NELL1: variants seen among roughly 807,000 people sequenced by gnomAD.
NELL1 encodes the protein neural EGFL like 1, also known as protein kinase C-binding protein NELL1.
A neutral mutation model predicts 107.4 loss-of-function variants in NELL1; 76 were observed. That is an observed-to-expected ratio of 0.71 (90% confidence interval 0.59 to 0.86). NELL1 has a LOEUF of 0.86. Among genes scored for constraint, NELL1 ranks in the 40% least tolerant of loss-of-function variants. The pLI is 0.00. For missense variants in NELL1, 1,024 were observed against 1,005.5 expected, an observed-to-expected ratio of 1.02 and a Z score of -0.25; for synonymous variants, 353 against 341.2, an observed-to-expected ratio of 1.03 and a Z score of -0.38.
chr11:21,249,551 T>A (rs934115677), intron 14 of NELL1, among the ~76,000 whole-genome samples: 1 of 151,864 alleles, frequency 6.6e-6, no homozygotes, highest in Non-Finnish European at 1.5e-5. Context: ...AAACTGAGTT[T>A]AAAAAAAATA....
At chr11:21,008,276 G>C (rs1852372472) in intron 12 of NELL1, among the ~76,000 whole-genome samples, 1 of 152,090 alleles carries the variant, frequency 6.6e-6, no homozygotes, top group African/African-American at 2.4e-5. Context: ...CTTAAGTGTA[G>C]CTGAATACAA....
At position 21,350,366 on chromosome 11, in the gene NELL1, T is replaced by TAA. The variant is rs398015516; in HGVS notation, c.1550-20476_1550-20475dup. On this transcript the variant is annotated intron_variant, in intron 14 of 19. Coordinates refer to ENST00000357134, the MANE Select transcript of NELL1 (RefSeq NM_006157.5). Reference sequence around the variant, plus strand: ...ATTTAACTACTGAGCAAGATCTTTTTAAAAAAAAAAAACTTTAATAACCAC... The same window carrying TAA: ...ATTTAACTACTGAGCAAGATCTTTTTAAAAAAAAAAAAAACTTTAATAACCAC... Among the ~76,000 whole-genome samples the TAA allele has an allele frequency of 2.1e-3, 301 of 145,888 alleles. 3 individuals are homozygous for TAA. Among genetic ancestry groups the TAA allele is most frequent in the Non-Finnish European group, 2.7e-3 (176 of 65,954 alleles).
At chr11:20,839,834 GAA>G (rs1264893854) in intron 3 of NELL1, among the ~76,000 whole-genome samples, 1 of 152,196 alleles carries the variant, frequency 6.6e-6, no homozygotes, top group African/African-American at 2.4e-5. Context: ...GAGAGTACCA[GAA>G]GTTTGTCTGG....
chr11:21,477,881 A>G (rs1854386340), intron 15 of NELL1, among the ~76,000 whole-genome samples: 1 of 144,592 alleles, frequency 6.9e-6, no homozygotes. Flanking sequence ...TAAATAAATT[A>G]TAATAAATAA....
chr11:21,040,929 G>C (rs192146061), intron 12 of NELL1, among the ~76,000 whole-genome samples: 1 of 152,254 alleles, frequency 6.6e-6, no homozygotes, highest in Admixed American at 6.5e-5. Flanking sequence ...GATTGTCAAG[G>C]TCAGTAATCA....
chr11:20,732,097 C>CT (rs773591939), intron 2 of NELL1, among the ~76,000 whole-genome samples: 24 of 151,872 alleles, frequency 1.6e-4, no homozygotes, highest in East Asian at 9.7e-4. Context: ...GTTTTGGAGT[C>CT]TTTTTTTTCT....
In NELL1 at chr11:21,575,653, A is replaced by C. The variant is rs1368742980; in HGVS notation, c.*631A>C. 1 of 152,010 alleles carries C rather than the reference A, an allele frequency of 6.6e-6. No homozygotes were observed. Among genetic ancestry groups the C allele is most frequent in the South Asian group, 2.1e-4 (1 of 4,828 alleles). The allele number at this position is 152,010 out of a possible 1,614,324, so 9.4% of individuals were successfully genotyped here. A position where few individuals can be genotyped will look rare whatever the true frequency, so the allele number is the denominator to read the frequency against. The stretch of plus-strand genomic sequence containing the variant: ...GGGCCAAAAACATAATCAAAGAATA[A>C]TTTTAAAGAGAATTCTTGTCTCTCT... On this transcript the variant is annotated 3_prime_UTR_variant, in exon 20 of 20. Coordinates refer to ENST00000357134, the MANE Select transcript of NELL1 (RefSeq NM_006157.5).
At chr11:21,342,584 G>A (rs1300299016) in intron 14 of NELL1, among the ~76,000 whole-genome samples, 1 of 150,822 alleles carries the variant, frequency 6.6e-6, no homozygotes, top group East Asian at 2.0e-4. Context: ...GTCGAGGCTG[G>A]AGTGAGCCAT....
chr11:21,170,176 G>A (rs916789664), intron 13 of NELL1: 3 of 608,052 alleles, frequency 4.9e-6, no homozygotes, highest in Non-Finnish European at 8.9e-6. Context: ...ATCTAAGCAG[G>A]TGAATTAGAA....
intron 12 of NELL1, among the ~76,000 whole-genome samples, chr11:21,074,154 G>A (rs1013006084): frequency 2.4e-4 from 36 of 152,132 alleles, no homozygotes; most frequent in African/African-American, 8.2e-4. Context: ...TGTGGTTCTG[G>A]GACCAGTAAC....
intron 15 of NELL1, among the ~76,000 whole-genome samples, chr11:21,402,087 T>A (rs906734218): frequency 6.6e-5 from 10 of 151,814 alleles, no homozygotes; most frequent in African/African-American, 2.4e-4. Context: ...AAGGAACAGA[T>A]GCACACTTAG....
At chr11:20,691,999 T>C (rs1413485173) in intron 2 of NELL1, among the ~76,000 whole-genome samples, 1 of 152,112 alleles carries the variant, frequency 6.6e-6, no homozygotes, top group Admixed American at 6.5e-5. Context: ...AACTTCTTCC[T>C]GGTTTAGTCT....
At chr11:21,227,433 G>A (rs937991074) in intron 13 of NELL1, among the ~76,000 whole-genome samples, 2 of 152,038 alleles carry the variant, frequency 1.3e-5, no homozygotes, top group African/African-American at 4.8e-5. Flanking sequence ...CTATTAAAAC[G>A]TTCAGGCTAG....
chr11:20,844,028 G>A (rs971518446), intron 3 of NELL1, among the ~76,000 whole-genome samples: 2 of 152,200 alleles, frequency 1.3e-5, no homozygotes, highest in Non-Finnish European at 2.9e-5. Context: ...TGTGTTCAAG[G>A]TCTTGGGGTG....
intron 2 of NELL1, among the ~76,000 whole-genome samples, chr11:20,703,597 G>A (rs1854856626): frequency 6.6e-6 from 1 of 152,120 alleles, no homozygotes; most frequent in Non-Finnish European, 1.5e-5. Flanking sequence ...TGTGATGTTA[G>A]GGTGTCAATT....
At chr11:20,905,331 A>G (rs891081234) in intron 5 of NELL1, among the ~76,000 whole-genome samples, 2 of 152,192 alleles carry the variant, frequency 1.3e-5, no homozygotes, top group African/African-American at 4.8e-5. Flanking sequence ...TCCAGTGTTA[A>G]TACATTATAA....
chr11:20,690,358 A>G (rs1202524729), intron 2 of NELL1, among the ~76,000 whole-genome samples: 1 of 152,232 alleles, frequency 6.6e-6, no homozygotes, highest in African/African-American at 2.4e-5. Flanking sequence ...GTCCTTGCCC[A>G]TGCCTATGTC....
At chr11:21,113,829 C>G (rs541308237) in intron 13 of NELL1, 115 bp downstream of exon 13, 2 of 1,035,324 alleles carry the variant, frequency 1.9e-6, no homozygotes, top group South Asian at 4.1e-5. Flanking sequence ...AATAGTTCTT[C>G]TCTTTATTAC....
Position 20,863,429 on chromosome 11 carries a change from G to C in NELL1, c.506+15676G>C, listed in dbSNP as rs1056689756. Among the ~76,000 whole-genome samples, 3 of 118,450 alleles carry C rather than the reference G, an allele frequency of 2.5e-5. 1 individual carries two copies. Among genetic ancestry groups the C allele is most frequent in the Non-Finnish European group, 5.9e-5 (3 of 50,508 alleles). The allele number at this position is 118,450 out of a possible 152,430, so 77.7% of individuals were successfully genotyped here. ...CGGAGACGCTCCTCACTTCCCAGAAGGGGTGGCTGCTGGGCGGAGGGGCTC... is the reference window on the plus strand; with the variant it reads ...CGGAGACGCTCCTCACTTCCCAGAACGGGTGGCTGCTGGGCGGAGGGGCTC... On this transcript the variant is annotated intron_variant, in intron 4 of 19. Transcript: ENST00000357134.
Sources: gnomAD v4.1 joint callset for allele counts (sites outside exome capture counted in the v4.1 genomes callset) on GRCh38, gnomAD v4.1.1 for gene constraint, MANE v1.5 for transcripts, NCBI Gene and HGNC (gene_info 2026-07-23, HGNC 2026-07-21) for gene names.